The following VPS33A variants were observed in gnomAD, a reference collection of about 807,000 sequenced individuals.
The protein encoded by VPS33A is vacuolar protein sorting-associated protein 33A.
A neutral mutation model predicts 71.8 loss-of-function variants in VPS33A; 32 were observed. The observed-to-expected ratio is 0.45, with a 90% CI of 0.34 to 0.60. The LOEUF (loss-of-function observed/expected upper bound fraction) is 0.60. VPS33A is among the 20% of genes least tolerant of loss of function. VPS33A has a pLI of 0.02. For missense variants in VPS33A, 625 were observed against 748.5 expected (o/e 0.84, Z 1.92); for synonymous variants, 311 against 292.7 (o/e 1.06, Z -0.64).
Position 122,250,967 on chromosome 12 carries a change from AG to A in VPS33A, c.600+15del. ...GAAGGGCCCTCCTTTACCACCACAAAGCAGCCGGTTCTCACCCGAGCGCATT... is the reference window on the plus strand; with the variant it reads ...GAAGGGCCCTCCTTTACCACCACAAACAGCCGGTTCTCACCCGAGCGCATT... On this transcript the variant is annotated intron_variant, in intron 5 of 12. Coordinates refer to ENST00000267199, the MANE Select transcript of VPS33A (RefSeq NM_022916.6). 1 of 1,601,730 alleles carries A rather than the reference AG, an allele frequency of 6.2e-7. No homozygotes were observed. The highest frequency in any genetic ancestry group is 8.5e-7 in the Non-Finnish European group (1 of 1,169,912).
rs1038679185 is a variant in VPS33A at position 122,235,718 on chromosome 12, G to A, written c.1440+68C>T. On this transcript the variant is annotated intron_variant, in intron 11 of 12. Coordinates refer to ENST00000267199, the MANE Select transcript of VPS33A (RefSeq NM_022916.6). The stretch of plus-strand genomic sequence containing the variant: ...GCAAGGCAGATGTGTAGGTTCAGAA[G>A]CATGTGTTGTCACCTGGACGATCTA... 2.7e-6 allele frequency: 4 copies of A among 1,509,434 alleles called. No individual in the cohort carries two copies. In the African/African-American group the frequency reaches 5.6e-5, roughly 21 times the overall value. 93.5% of individuals were successfully genotyped at this position (1,509,434 alleles called of 1,614,324 possible).
At chr12:122,252,216 C>T (rs945500440) in intron 4 of VPS33A, among the ~76,000 whole-genome samples, 9 of 152,026 alleles carry the variant, frequency 5.9e-5, no homozygotes, top group African/African-American at 2.2e-4. Flanking sequence ...ATGTTCGCAC[C>T]GCCACACTCC....
chr12:122,244,855 AG>A (rs1954757688), intron 6 of VPS33A, 93 bp from the exon 7 acceptor site: 3 of 1,290,542 alleles, frequency 2.3e-6, no homozygotes, highest in Non-Finnish European at 3.2e-6. Context: ...CCAACTCAGG[AG>A]AAAATGGAAG....
In VPS33A at chr12:122,232,927, C is replaced by T. The variant is rs146696978; in HGVS notation, c.1482G>A (p.Pro494=). ...GCAGCTGGGCCAGCCGCACACTGAG[C>T]GGGGCATACCCACTGTACACATACG... ...DISYVYSGYA[P]LSVRLAQLLS... Residue 494 remains proline, a synonymous_variant, in exon 12 of 13, where the codon CCG becomes CCA. Transcript: ENST00000267199. The T allele has an allele frequency of 4.2e-5, 68 of 1,613,836 alleles. No individual in the cohort carries two copies. In the African/African-American group the frequency reaches 4.3e-4, roughly 10 times the overall value.
chr12:122,234,014 C>T (rs1481177662), intron 11 of VPS33A, among the ~76,000 whole-genome samples: 1 of 151,996 alleles, frequency 6.6e-6, no homozygotes, highest in Non-Finnish European at 1.5e-5. Flanking sequence ...TTGCAAGAGG[C>T]GGCCTAATAA....
chr12:122,266,381 C>T lies in VPS33A; in HGVS notation c.28G>A (p.Val10Met), dbSNP rs571511630. The T allele has an allele frequency of 2.5e-6, 4 of 1,613,656 alleles. No individual in the cohort carries two copies. The South Asian group carries it at 3.3e-5, about 13-fold the overall frequency. MAAHLSYGR[V>M]NLNVLREAVR... is the part of the protein sequence containing the mutation. Reference sequence around the variant, plus strand: ...GCCTCGCGCAACACGTTTAGGTTCACTCGGCCGTAGGACAGATGAGCCGCC... The same window carrying T: ...GCCTCGCGCAACACGTTTAGGTTCATTCGGCCGTAGGACAGATGAGCCGCC... Residue 10 changes from valine (V) to methionine (M), a missense_variant, in exon 1 of 13, where the codon GTG becomes ATG. By Grantham distance (21) the Val-to-Met change is conservative. Transcript: ENST00000267199.
At position 122,235,538 on chromosome 12, in the gene VPS33A, A is replaced by T. The variant is rs899749842; in HGVS notation, c.1440+248T>A. 8.5e-5 allele frequency among the ~76,000 whole-genome samples: 13 copies of T among 152,274 alleles called. No homozygotes were observed. In the South Asian group the frequency reaches 1.9e-3, roughly 22 times the overall value. ...CTCGGCCTCCCAAAGTGCTGGGATT[A>T]TAGGTGTGAGCCACCGCGCCCAGCC... is the stretch of plus-strand genomic sequence containing the variant. On this transcript the variant is annotated intron_variant, in intron 11 of 12. Coordinates refer to ENST00000267199, the MANE Select transcript of VPS33A (RefSeq NM_022916.6).
intron 9 of VPS33A, among the ~76,000 whole-genome samples, chr12:122,239,617 C>T (rs961090159): frequency 2.0e-5 from 3 of 151,754 alleles, no homozygotes; most frequent in Non-Finnish European, 4.4e-5. Flanking sequence ...GCCTGTAGTC[C>T]CAGCTACTCG....
At chr12:122,252,512 C>CGGTGGGAG (rs1566047448) in intron 4 of VPS33A, among the ~76,000 whole-genome samples, 1 of 151,896 alleles carries the variant, frequency 6.6e-6, no homozygotes, top group East Asian at 1.9e-4. Flanking sequence ...CCTCGTGATC[C>CGGTGGGAG]GCCCACCTCG....
At chr12:122,266,227 A>G in intron 1 of VPS33A, 80 bp downstream of exon 1, 1 of 1,556,452 alleles carries the variant, frequency 6.4e-7, no homozygotes, top group Non-Finnish European at 8.7e-7. Context: ...ATAAACCGCG[A>G]ACTCAGGCGG....
chr12:122,232,508 A>T (rs903061882), intron 12 of VPS33A, 81 bp from the exon 13 acceptor site: 5 of 1,378,236 alleles, frequency 3.6e-6, no homozygotes, highest in Non-Finnish European at 4.9e-6. Flanking sequence ...TTTATCATTC[A>T]TAAGAATAAA....
In VPS33A at chr12:122,244,634, T is replaced by C. The variant is rs990921457; in HGVS notation, c.904A>G (p.Lys302Glu). The change falls in exon 7 of 13, where the codon AAG becomes GAG. Residue 302 changes from lysine to glutamate, a missense_variant. Coordinates refer to ENST00000267199, the MANE Select transcript of VPS33A (RefSeq NM_022916.6). ...AEELYAEIRD[K>E]NFNAVGSVLS... ...ACAGAGCCAACTGCGTTGAAGTTCT[T>C]ATCTCGGATCTCAGCATAGAGCTCC... The C allele has an allele frequency of 2.5e-6, 4 of 1,614,140 alleles. No homozygotes were observed. The highest frequency in any genetic ancestry group is 3.4e-6 in the Non-Finnish European group (4 of 1,179,976).
intron 9 of VPS33A, among the ~76,000 whole-genome samples, chr12:122,239,195 T>C (rs1249616032): frequency 1.3e-5 from 2 of 152,196 alleles, no homozygotes; most frequent in East Asian, 3.8e-4. Flanking sequence ...GTATCAGTAA[T>C]TGTTTTATGT....
chr12:122,246,595 A>C (rs1366170714), intron 6 of VPS33A, among the ~76,000 whole-genome samples: 1 of 142,888 alleles, frequency 7.0e-6, no homozygotes, highest in Non-Finnish European at 1.5e-5. Context: ...CAGTGTGTCC[A>C]GCCACTTTTT....
chr12:122,239,414 C>T (rs1007236088), intron 9 of VPS33A, among the ~76,000 whole-genome samples: 1 of 152,128 alleles, frequency 6.6e-6, no homozygotes, highest in Non-Finnish European at 1.5e-5. Context: ...ATAAAATCTA[C>T]ACTTGCACAT....
At chr12:122,253,043 C>CG (rs1176804777) in intron 4 of VPS33A, 2 of 152,120 alleles carry the variant, frequency 1.3e-5, no homozygotes, top group East Asian at 3.9e-4. Flanking sequence ...GAAGAGAGAG[C>CG]GGGGTTGTCA....
chr12:122,236,620 T>C (rs1419300265), intron 10 of VPS33A, among the ~76,000 whole-genome samples: 2 of 152,186 alleles, frequency 1.3e-5, no homozygotes, highest in Non-Finnish European at 2.9e-5. Flanking sequence ...GGCAACAGGG[T>C]GAGATACTGT....
At chr12:122,246,088 G>A (rs1333373801) in intron 6 of VPS33A, among the ~76,000 whole-genome samples, 1 of 152,150 alleles carries the variant, frequency 6.6e-6, no homozygotes, top group East Asian at 1.9e-4. Flanking sequence ...GGATGGCATG[G>A]AGCTGGTGTA....
intron 4 of VPS33A, 105 bp downstream of exon 4, chr12:122,261,156 C>A: frequency 1.1e-6 from 1 of 942,212 alleles, no homozygotes. Context: ...CATCAATAAA[C>A]ATATAAAATG....
Sources: gnomAD v4.1 joint callset for allele counts (sites outside exome capture counted in the v4.1 genomes callset) on GRCh38, gnomAD v4.1.1 for gene constraint, MANE v1.5 for transcripts, NCBI Gene and HGNC (gene_info 2026-07-23, HGNC 2026-07-21) for gene names.